SCML4: variants seen among roughly 807,000 people sequenced by gnomAD.
SCML4 encodes Scm polycomb group protein like 4, also known as sex comb on midleg-like protein 4.
In SCML4, 34 loss-of-function variants were observed where a neutral mutation model predicts 41.1. The observed-to-expected ratio is 0.83, with a 90% CI of 0.63 to 1.10. The LOEUF (loss-of-function observed/expected upper bound fraction) is 1.10, where lower values mean the gene tolerates loss of function less well. Ranked by LOEUF, SCML4 falls within the 50% of genes least tolerant of loss-of-function variation. The pLI is 0.00. For synonymous variants in SCML4, 214 were observed against 220.9 expected, an observed-to-expected ratio of 0.97 and a Z score of 0.28; for missense variants, 522 against 534.1, an observed-to-expected ratio of 0.98 and a Z score of 0.22.
intron 1 of SCML4, among the ~76,000 whole-genome samples, chr6:107,820,724 T>C (rs1784886634): frequency 6.6e-6 from 1 of 152,166 alleles, no homozygotes; most frequent in African/African-American, 2.4e-5. Context: ...GGACTTGGTA[T>C]GGGCGTATCA....
chr6:107,745,033 C>T lies in SCML4; in HGVS notation c.598G>A (p.Asp200Asn), dbSNP rs1777942840. 1 of 1,614,010 alleles carries T rather than the reference C, an allele frequency of 6.2e-7. No individual in the cohort carries two copies. The highest frequency in any genetic ancestry group is 1.7e-5 in the Admixed American group (1 of 59,998). ...AKLCRSLLCD[D>N]LFSHQPFPRG... The stretch of plus-strand genomic sequence containing the variant: ...GGGAAGGGCTGGTGGCTGAAGAGGT[C>T]ATCGCACAGGAGGCTTCGGCACAGC... Residue 200 changes from aspartate (D) to asparagine (N), a missense_variant, in exon 5 of 8, where the codon GAC becomes AAC. Transcript: ENST00000369020.
rs151177640 is a variant in SCML4 at position 107,786,893 on chromosome 6, C to T, written c.-59-14507G>A. Among the ~76,000 whole-genome samples, 302 of 152,326 alleles carry T rather than the reference C, an allele frequency of 2.0e-3. 1 individual carries two copies. Among genetic ancestry groups the T allele is most frequent in the Non-Finnish European group, 3.1e-3 (211 of 68,032 alleles). On this transcript the variant is annotated intron_variant, in intron 1 of 7. Coordinates refer to ENST00000369020, the MANE Select transcript of SCML4 (RefSeq NM_198081.5). The stretch of plus-strand genomic sequence containing the variant: ...ATCCCATGCTGCCAAGATGGCTCTT[C>T]GCCTACTTCATCTCTTTTAATTTTC...
At chr6:107,789,765 C>A (rs1238673043) in intron 1 of SCML4, among the ~76,000 whole-genome samples, 1 of 152,220 alleles carries the variant, frequency 6.6e-6, no homozygotes, top group Non-Finnish European at 1.5e-5. Flanking sequence ...GCCTTGGTGG[C>A]CTCTCCCCTC....
At chr6:107,771,412 G>A (rs1294051067) in intron 2 of SCML4, among the ~76,000 whole-genome samples, 2 of 145,314 alleles carry the variant, frequency 1.4e-5, no homozygotes, top group African/African-American at 4.9e-5. Context: ...GGTTTGTGAA[G>A]AACAAGTGTA....
the SCML4 span, among the ~76,000 whole-genome samples, chr6:107,845,622 T>C: frequency 6.6e-6 from 1 of 152,192 alleles, no homozygotes; most frequent in Non-Finnish European, 1.5e-5. Flanking sequence ...AAGTCTGAAT[T>C]TGAAACTCTT....
chr6:107,781,146 A>AT (rs1491523725), intron 1 of SCML4, among the ~76,000 whole-genome samples: 1 of 151,918 alleles, frequency 6.6e-6, no homozygotes, highest in Non-Finnish European at 1.5e-5. Flanking sequence ...AGAGAAAGTT[A>AT]GAGTTTAAGG....
chr6:107,753,673 T>C lies in SCML4; in HGVS notation c.157-3860A>G, dbSNP rs1778877100. 2.0e-5 allele frequency among the ~76,000 whole-genome samples: 3 copies of C among 152,242 alleles called. 1 individual carries two copies. The highest frequency in any genetic ancestry group is 2.0e-4 in the Admixed American group (3 of 15,290). ...TTAAAAAATTAATTTTAAGGATTCT[T>C]TGTTTTTTGTTTTTGAGATGGGAGA... On this transcript the variant is annotated intron_variant, in intron 2 of 7. Coordinates refer to ENST00000369020, the MANE Select transcript of SCML4 (RefSeq NM_198081.5).
At chr6:107,784,937 A>C (rs1347716073) in intron 1 of SCML4, among the ~76,000 whole-genome samples, 2 of 152,186 alleles carry the variant, frequency 1.3e-5, no homozygotes, top group Non-Finnish European at 2.9e-5. Context: ...CATGAGGCAT[A>C]GTACCAGGTG....
intron 2 of SCML4, among the ~76,000 whole-genome samples, chr6:107,766,945 A>G (rs1022824894): frequency 2.2e-5 from 3 of 136,768 alleles, no homozygotes; most frequent in South Asian, 2.2e-4. Flanking sequence ...TGTACTATTA[A>G]GCTATTTTTT....
chr6:107,719,323 TGGTCA>T (rs1775138337), intron 6 of SCML4: 1 of 152,436 alleles, frequency 6.6e-6, no homozygotes. Flanking sequence ...CAGGGGAAGC[TGGTCA>T]GGGCCACGCT....
intron 1 of SCML4, among the ~76,000 whole-genome samples, chr6:107,813,042 T>C (rs1718612839): frequency 6.6e-6 from 1 of 152,056 alleles, no homozygotes; most frequent in Admixed American, 6.6e-5. Context: ...GTCACATTTA[T>C]AAATTCAAAT....
At chr6:107,826,498 T>TA (rs755281005), upstream of SCML4, among the ~76,000 whole-genome samples, 9 of 151,852 alleles carry the variant, frequency 5.9e-5, no homozygotes, top group Non-Finnish European at 1.2e-4. Flanking sequence ...TTCTTAGGAT[T>TA]AAAAAAAATA....
chr6:107,777,936 C>T (rs1011999676), intron 1 of SCML4, among the ~76,000 whole-genome samples: 2 of 151,710 alleles, frequency 1.3e-5, no homozygotes, highest in Non-Finnish European at 2.9e-5. Flanking sequence ...TAAATCAGGC[C>T]GGGTACAGTG....
chr6:107,839,395 AAGAAAGAAAGAAAG>A, the SCML4 span, among the ~76,000 whole-genome samples: 82 of 140,654 alleles, frequency 5.8e-4, no homozygotes, highest in African/African-American at 1.9e-3. Flanking sequence ...GAAAGAAAGA[AAGAAAGAAAGAAAG>A]AGGAAGAAGA....
intron 5 of SCML4, among the ~76,000 whole-genome samples, chr6:107,722,825 T>G (rs1775562563): frequency 6.6e-6 from 1 of 152,184 alleles, no homozygotes; most frequent in Non-Finnish European, 1.5e-5. Context: ...CAGCTGTAAA[T>G]ACTTCTGTTA....
At chr6:107,826,185 A>T (rs543074146), upstream of SCML4, among the ~76,000 whole-genome samples, 2 of 151,990 alleles carry the variant, frequency 1.3e-5, no homozygotes, top group South Asian at 2.1e-4. Flanking sequence ...GAGAGGTTGC[A>T]GTGAGCTGAG....
At chr6:107,813,527 TACA>T (rs1162953805) in intron 1 of SCML4, among the ~76,000 whole-genome samples, 2 of 151,152 alleles carry the variant, frequency 1.3e-5, no homozygotes, top group Non-Finnish European at 2.9e-5. Context: ...GGGAATGGTT[TACA>T]GAATGGTCAT....
chr6:107,749,747 G>C lies in SCML4; in HGVS notation c.223C>G (p.Leu75Val). ...SPPRSTPEPD[L>V]SSIPQDAATV... ...GCTGCGTCCTGAGGGATGGAGCTGA[G>C]GTCGGGCTCTGGGGTACTCCGCGGA... The change falls in exon 3 of 8, where the codon CTC becomes GTC. Residue 75 changes from leucine to valine, a missense_variant. By Grantham distance (32) the Leu-to-Val change is conservative. Transcript: ENST00000369020. 4 of 1,614,076 alleles carry C rather than the reference G, an allele frequency of 2.5e-6. No homozygotes were observed. Among genetic ancestry groups the C allele is most frequent in the Non-Finnish European group, 3.4e-6 (4 of 1,179,988 alleles).
At chr6:107,730,274 G>A (rs1776407409) in intron 5 of SCML4, among the ~76,000 whole-genome samples, 1 of 152,230 alleles carries the variant, frequency 6.6e-6, no homozygotes, top group Non-Finnish European at 1.5e-5. Flanking sequence ...CCTGTTGGAG[G>A]ATCTAACTCC....
Sources: gnomAD v4.1 joint callset for allele counts (sites outside exome capture counted in the v4.1 genomes callset) on GRCh38, gnomAD v4.1.1 for gene constraint, MANE v1.5 for transcripts, NCBI Gene and HGNC (gene_info 2026-07-23, HGNC 2026-07-21) for gene names.